Variants in GRM1 observed in about 807,000 individuals in gnomAD.
The protein encoded by GRM1 is glutamate metabotropic receptor 1.
In GRM1, 33 loss-of-function variants were observed where a neutral mutation model predicts 90.9. The observed-to-expected ratio is 0.36, with a 90% CI of 0.28 to 0.49. The LOEUF (loss-of-function observed/expected upper bound fraction) is 0.49, where lower values mean the gene tolerates loss of function less well. GRM1 is among the 20% of genes least tolerant of loss of function. GRM1 has a pLI of 0.99. For synonymous variants in GRM1, 700 were observed against 613.2 expected, an observed-to-expected ratio of 1.14 and a Z score of -2.09; for missense variants, 1,190 against 1,534.3, an observed-to-expected ratio of 0.78 and a Z score of 3.75.
At chr6:146,120,473 T>A (rs941487763) in intron 1 of GRM1, among the ~76,000 whole-genome samples, 3 of 152,174 alleles carry the variant, frequency 2.0e-5, no homozygotes, top group Non-Finnish European at 4.4e-5. Flanking sequence ...TCCAACACTA[T>A]GTTGAATAGG....
chr6:146,069,627 G>A (rs150768259), intron 1 of GRM1, among the ~76,000 whole-genome samples: 296 of 152,296 alleles, frequency 1.9e-3, no homozygotes, highest in African/African-American at 6.0e-3. Flanking sequence ...ACTCTTGGCT[G>A]TGTTTAAATA....
chr6:146,337,779 A>G (rs900406736), intron 3 of GRM1, among the ~76,000 whole-genome samples: 1 of 152,252 alleles, frequency 6.6e-6, no homozygotes, highest in Non-Finnish European at 1.5e-5. Context: ...AAATGTTATC[A>G]TTATAATTTT....
chr6:146,231,425 T>C (rs1780448134), intron 2 of GRM1, among the ~76,000 whole-genome samples: 2 of 152,142 alleles, frequency 1.3e-5, no homozygotes, highest in Admixed American at 1.3e-4. Flanking sequence ...CAGTACTATG[T>C]TGAATATGGT....
chr6:146,207,413 C>A (rs767864103), intron 2 of GRM1, among the ~76,000 whole-genome samples: 3 of 152,054 alleles, frequency 2.0e-5, no homozygotes, highest in Non-Finnish European at 2.9e-5. Flanking sequence ...CTGTTCATGT[C>A]CTTTGCCCAT....
At chr6:146,261,328 G>T (rs1781687959) in intron 2 of GRM1, among the ~76,000 whole-genome samples, 1 of 152,044 alleles carries the variant, frequency 6.6e-6, no homozygotes, top group African/African-American at 2.4e-5. Context: ...AGGAAAGGAG[G>T]GTAGGCTGAA....
intron 6 of GRM1, among the ~76,000 whole-genome samples, chr6:146,397,878 G>A (rs1777023515): frequency 1.3e-5 from 2 of 152,128 alleles, no homozygotes; most frequent in South Asian, 2.1e-4. Flanking sequence ...ACAGAACAAT[G>A]AGTCTTTTCC....
intron 7 of GRM1, among the ~76,000 whole-genome samples, chr6:146,418,530 A>G (rs573961609): frequency 7.2e-5 from 11 of 152,030 alleles, no homozygotes; most frequent in African/African-American, 1.7e-4. Flanking sequence ...ACACGTATAC[A>G]TACATGCATA....
At chr6:146,054,547 A>T (rs1775412038) in intron 1 of GRM1, among the ~76,000 whole-genome samples, 1 of 152,064 alleles carries the variant, frequency 6.6e-6, no homozygotes, top group Non-Finnish European at 1.5e-5. Context: ...CTATCCATAG[A>T]CAATTCTCTA....
chr6:146,119,093 C>T (rs929026129), intron 1 of GRM1, among the ~76,000 whole-genome samples: 1 of 152,222 alleles, frequency 6.6e-6, no homozygotes, highest in African/African-American at 2.4e-5. Context: ...CACATCCTCT[C>T]CAGCACCTGT....
At chr6:146,056,661 G>T (rs1382294137) in intron 1 of GRM1, among the ~76,000 whole-genome samples, 2 of 152,118 alleles carry the variant, frequency 1.3e-5, no homozygotes, top group African/African-American at 2.4e-5. Flanking sequence ...ATATGTAATT[G>T]AGTAGCTTTT....
At chr6:146,109,608 C>A (rs949617929) in intron 1 of GRM1, among the ~76,000 whole-genome samples, 3 of 152,196 alleles carry the variant, frequency 2.0e-5, no homozygotes, top group Non-Finnish European at 2.9e-5. Flanking sequence ...AGAGTCACTA[C>A]TGTGGCACCG....
intron 2 of GRM1, among the ~76,000 whole-genome samples, chr6:146,196,666 TTGTTAGA>T (rs1211682047): frequency 6.6e-6 from 1 of 151,960 alleles, no homozygotes; most frequent in African/African-American, 2.4e-5. Context: ...ACCTGGGAAC[TTGTTAGA>T]AATGAGGATT....
At chr6:146,118,006 T>C (rs1339057201) in intron 1 of GRM1, among the ~76,000 whole-genome samples, 1 of 152,112 alleles carries the variant, frequency 6.6e-6, no homozygotes, top group Non-Finnish European at 1.5e-5. Context: ...TGTTTTGAAT[T>C]CATTTTTGAT....
At chr6:146,194,402 GC>G (rs1417061736) in intron 2 of GRM1, among the ~76,000 whole-genome samples, 1 of 152,048 alleles carries the variant, frequency 6.6e-6, no homozygotes, top group East Asian at 1.9e-4. Context: ...TTAATATCCA[GC>G]TAACACTGTA....
intron 2 of GRM1, among the ~76,000 whole-genome samples, chr6:146,244,943 C>T (rs147308443): frequency 4.6e-5 from 7 of 152,326 alleles, no homozygotes; most frequent in African/African-American, 1.7e-4. Flanking sequence ...TTAGCTATTG[C>T]AAATTTGATG....
chr6:146,059,916 G>T (rs1007959562), intron 1 of GRM1, among the ~76,000 whole-genome samples: 1 of 152,172 alleles, frequency 6.6e-6, no homozygotes, highest in South Asian at 2.1e-4. Context: ...CTCTGCTCTG[G>T]ATTAGGCTTG....
Position 146,167,487 on chromosome 6 carries a change from T to C in GRM1, c.950+7890T>C, listed in dbSNP as rs75275728. Among the ~76,000 whole-genome samples the C allele has an allele frequency of 1.3e-3, 191 of 152,246 alleles. 2 individuals are homozygous for C. In the East Asian group the frequency reaches 0.034, roughly 27 times the overall value. The stretch of plus-strand genomic sequence containing the variant: ...AATTGACTATTTTCCAAAGTGGCCA[T>C]ATAATTTTGCAGTTCCACCAGCAAT... On this transcript the variant is annotated intron_variant, in intron 2 of 7. Transcript: ENST00000282753.
intron 2 of GRM1, among the ~76,000 whole-genome samples, chr6:146,255,735 C>T (rs1406505529): frequency 2.0e-5 from 3 of 152,222 alleles, no homozygotes; most frequent in East Asian, 1.9e-4. Flanking sequence ...TATCTGAACA[C>T]GATTGCTCAA....
intron 2 of GRM1, among the ~76,000 whole-genome samples, chr6:146,160,062 G>T (rs1777668136): frequency 6.6e-6 from 1 of 151,284 alleles, no homozygotes; most frequent in Non-Finnish European, 1.5e-5. Flanking sequence ...CGTTTCACTT[G>T]CTTTCTCCAC....
Sources: gnomAD v4.1 joint callset for allele counts (sites outside exome capture counted in the v4.1 genomes callset) on GRCh38, gnomAD v4.1.1 for gene constraint, MANE v1.5 for transcripts, NCBI Gene and HGNC (gene_info 2026-07-23, HGNC 2026-07-21) for gene names.